Variants in PRKACB observed in about 807,000 individuals in gnomAD.
The protein encoded by PRKACB is protein kinase cAMP-activated catalytic subunit beta, also known as cAMP-dependent protein kinase catalytic subunit beta.
Under a neutral mutation model 51.4 loss-of-function variants are expected in PRKACB, and 16 were observed. That is an observed-to-expected ratio of 0.31 (90% CI 0.21 to 0.47). The LOEUF (loss-of-function observed/expected upper bound fraction) is 0.47. PRKACB is among the 20% of genes least tolerant of loss of function. The pLI is 1.00. For missense variants in PRKACB, 309 were observed against 464.5 expected (o/e 0.67, Z 3.08); for synonymous variants, 147 against 154.4 (o/e 0.95, Z 0.35).
intron 1 of PRKACB, among the ~76,000 whole-genome samples, chr1:84,147,181 T>G (rs575002681): frequency 8.5e-5 from 13 of 152,178 alleles, no homozygotes; most frequent in African/African-American, 3.1e-4. Flanking sequence ...TTCCTATGAA[T>G]TGACAGGCTA....
chr1:84,104,651 A>G (rs1451327997), intron 1 of PRKACB, among the ~76,000 whole-genome samples: 4 of 152,116 alleles, frequency 2.6e-5, no homozygotes, highest in African/African-American at 9.7e-5. Context: ...CTTTTTAACA[A>G]TAGTCATTCA....
upstream of PRKACB, among the ~76,000 whole-genome samples, chr1:84,139,425 A>G (rs1653160462): frequency 6.6e-6 from 1 of 152,228 alleles, no homozygotes. Context: ...GGTGAAAACC[A>G]CAATTACTGT....
chr1:84,202,578 TA>T (rs1670437269), intron 7 of PRKACB, 104 bp from the exon 8 acceptor site: 5 of 1,268,772 alleles, frequency 3.9e-6, no homozygotes, highest in Non-Finnish European at 5.3e-6. Flanking sequence ...GCAATTGCTT[TA>T]AAAAAATTTT....
chr1:84,171,746 G>A (rs1659545175), intron 1 of PRKACB, among the ~76,000 whole-genome samples: 1 of 151,472 alleles, frequency 6.6e-6, no homozygotes, highest in South Asian at 2.1e-4. Context: ...ATTCACAAAT[G>A]ATTTGTGATT....
At chr1:84,143,325 G>T (rs1023895241), upstream of PRKACB, among the ~76,000 whole-genome samples, 4 of 152,136 alleles carry the variant, frequency 2.6e-5, no homozygotes, top group African/African-American at 9.6e-5. Flanking sequence ...GGTGGTGCGC[G>T]CCTATAATCC....
rs373556199 is a variant in PRKACB, at chr1:84,214,182, T to C, written c.936T>C (p.Asp312=). 17 of 1,612,680 alleles carry C rather than the reference T, an allele frequency of 1.1e-5. No individual in the cohort carries two copies. The highest frequency in any genetic ancestry group is 8.5e-7 in the Non-Finnish European group (1 of 1,179,536). ...GATTCCCATCCCACTTCAGTTCAGA[T>C]CTCAAGGACCTTCTACGGAACCTGC... ...KVRFPSHFSS[D]LKDLLRNLLQ... The change falls in exon 9 of 10, where the codon GAT becomes GAC. Residue 312 remains aspartate, a synonymous_variant. Coordinates refer to ENST00000370685, the MANE Select transcript of PRKACB (RefSeq NM_182948.4).
chr1:84,227,369 T>C (rs1163874366), intron 9 of PRKACB, among the ~76,000 whole-genome samples: 1 of 152,104 alleles, frequency 6.6e-6, no homozygotes, highest in Non-Finnish European at 1.5e-5. Context: ...TTATCTTTAT[T>C]GTTGTATTTA....
At chr1:84,115,188 C>T (rs1650533891) in intron 1 of PRKACB, among the ~76,000 whole-genome samples, 2 of 151,546 alleles carry the variant, frequency 1.3e-5, no homozygotes, top group Admixed American at 1.3e-4. Context: ...CACATCCTTG[C>T]CAATATCTGC....
intron 1 of PRKACB, among the ~76,000 whole-genome samples, chr1:84,136,646 A>G (rs1652856571): frequency 6.6e-6 from 1 of 152,184 alleles, no homozygotes; most frequent in African/African-American, 2.4e-5. Flanking sequence ...AATTAAATAT[A>G]GTTTTACCAC....
intron 1 of PRKACB, among the ~76,000 whole-genome samples, chr1:84,166,877 GC>G: frequency 6.6e-6 from 1 of 151,542 alleles, no homozygotes; most frequent in Non-Finnish European, 1.5e-5. Context: ...TCTCATCCAT[GC>G]CTACATCTTC....
intron 8 of PRKACB, among the ~76,000 whole-genome samples, chr1:84,205,779 A>G (rs1453648761): frequency 6.6e-6 from 1 of 152,126 alleles, no homozygotes; most frequent in Non-Finnish European, 1.5e-5. Context: ...TCAACTTGTT[A>G]GATTCTCTCC....
intron 1 of PRKACB, among the ~76,000 whole-genome samples, chr1:84,101,848 A>C (rs971589356): frequency 9.2e-5 from 14 of 152,170 alleles, no homozygotes; most frequent in African/African-American, 3.4e-4. Flanking sequence ...TTACATAATA[A>C]ATGAGATAAT....
At chr1:84,169,391 G>T (rs1323308673) in intron 1 of PRKACB, among the ~76,000 whole-genome samples, 3 of 151,710 alleles carry the variant, frequency 2.0e-5, no homozygotes, top group Middle Eastern at 3.4e-3. Context: ...TGGAAAAGAA[G>T]CATAATGTTG....
At chr1:84,142,518 C>T (rs189220422), upstream of PRKACB, among the ~76,000 whole-genome samples, 1 of 152,222 alleles carries the variant, frequency 6.6e-6, no homozygotes, top group Non-Finnish European at 1.5e-5. Context: ...GTTATGCACA[C>T]ATAATATTTA....
intron 8 of PRKACB, chr1:84,204,645 A>AGCAG: frequency 8.8e-7 from 1 of 1,139,598 alleles, no homozygotes; most frequent in East Asian, 2.9e-5. Context: ...GAAGAAGAAT[A>AGCAG]TTTTACTAAT....
At chr1:84,197,914 T>G in intron 7 of PRKACB, 90 bp downstream of exon 7, 1 of 884,970 alleles carries the variant, frequency 1.1e-6, no homozygotes, top group Non-Finnish European at 1.7e-6. Flanking sequence ...GATCTAATTT[T>G]ACATTTTTAA....
intron 1 of PRKACB, among the ~76,000 whole-genome samples, chr1:84,085,366 T>C (rs943251129): frequency 1.3e-5 from 2 of 152,316 alleles, no homozygotes; most frequent in Admixed American, 1.3e-4. Flanking sequence ...TTGTCTTTTT[T>C]CTAATACATT....
chr1:84,138,817 A>G (rs945096393), intron 1 of PRKACB, among the ~76,000 whole-genome samples: 1 of 152,192 alleles, frequency 6.6e-6, no homozygotes, highest in African/African-American at 2.4e-5. Context: ...AGCAATATAT[A>G]CAAGGAATAT....
chr1:84,130,189 C>CA (rs71097833), intron 1 of PRKACB, among the ~76,000 whole-genome samples: 25,800 of 56,138 alleles, frequency 0.46, 6,330 homozygotes, highest in Non-Finnish European at 0.55. Context: ...GACTCCGTCT[C>CA]AAAAAAAAAA....
Sources: allele counts gnomAD v4.1 joint callset (sites outside exome capture counted in the v4.1 genomes callset), GRCh38; gene constraint gnomAD v4.1.1; transcripts MANE v1.5; gene names NCBI Gene and HGNC (gene_info 2026-07-23, HGNC 2026-07-21).